SCAPER: variants seen among roughly 807,000 people sequenced by gnomAD.
The protein encoded by SCAPER is S phase cyclin A-associated protein in the endoplasmic reticulum.
A neutral mutation model predicts 182.2 loss-of-function variants in SCAPER; 98 were observed. The ratio of observed to expected loss-of-function variants is 0.54; its 90% CI spans 0.46 to 0.64. The LOEUF (loss-of-function observed/expected upper bound fraction) is 0.64. Ranked by LOEUF, SCAPER falls within the 30% of genes least tolerant of loss-of-function variation. The probability of loss-of-function intolerance (pLI) is 0.00; values close to 1 mark genes in which losing one functional copy is unlikely to be tolerated. For synonymous variants in SCAPER, 605 were observed against 564.6 expected (o/e 1.07, Z -1.01); for missense variants, 1,432 against 1,690.0 (o/e 0.85, Z 2.68).
At position 76,777,701 on chromosome 15, in the gene SCAPER, GTAAA is replaced by G. The variant is rs578047410; in HGVS notation, c.773-2588_773-2585del. 7.2e-5 allele frequency among the ~76,000 whole-genome samples: 11 copies of G among 151,974 alleles called. No individual in the cohort carries two copies. The South Asian group carries it at 1.9e-3, about 26-fold the overall frequency. ...AAGAGCAAAACTCCATCTCAAAAAA[GTAAA>G]TAAATAAATAAATATTCAAAGAAGG... On this transcript the variant is annotated intron_variant, in intron 8 of 31. Transcript: ENST00000563290.
At chr15:76,348,851 A>G (rs1275714593) in intron 31 of SCAPER, 115 bp from the exon 32 acceptor site, 1 of 620,904 alleles carries the variant, frequency 1.6e-6, no homozygotes, top group Non-Finnish European at 2.8e-6. Flanking sequence ...TCCACTTCAA[A>G]TAAACCATGA....
intron 4 of SCAPER, chr15:76,855,732 C>G (rs1378683600): frequency 4.0e-6 from 1 of 252,344 alleles, no homozygotes; most frequent in African/African-American, 2.2e-5. Flanking sequence ...CCACTTCACA[C>G]CAGTCGGAAT....
chr15:76,588,674 G>T (rs1487738549), intron 22 of SCAPER, among the ~76,000 whole-genome samples: 2 of 152,092 alleles, frequency 1.3e-5, no homozygotes, highest in African/African-American at 4.8e-5. Flanking sequence ...TCTTTAAATT[G>T]TATTTTTGTT....
chr15:76,709,424 G>A (rs1427959681), intron 17 of SCAPER, among the ~76,000 whole-genome samples: 2 of 152,116 alleles, frequency 1.3e-5, no homozygotes, highest in East Asian at 1.9e-4. Flanking sequence ...ATGAGCCACC[G>A]CACTCTGCCA....
At chr15:76,457,411 T>C (rs1430731964) in intron 25 of SCAPER, among the ~76,000 whole-genome samples, 2 of 152,246 alleles carry the variant, frequency 1.3e-5, no homozygotes, top group East Asian at 1.9e-4. Flanking sequence ...TCTACTGTTT[T>C]ATTATTTCTT....
At chr15:76,764,327 G>A (rs946651655) in intron 14 of SCAPER, among the ~76,000 whole-genome samples, 1 of 152,246 alleles carries the variant, frequency 6.6e-6, no homozygotes, top group African/African-American at 2.4e-5. Flanking sequence ...GGCAGTGGCT[G>A]CCAGCAGCAC....
intron 15 of SCAPER, among the ~76,000 whole-genome samples, chr15:76,749,991 G>A (rs1568008137): frequency 1.3e-5 from 2 of 151,634 alleles, no homozygotes; most frequent in African/African-American, 4.8e-5. Context: ...TATTATAAAG[G>A]TACAACAATC....
At chr15:76,580,256 C>T (rs2048169510) in intron 22 of SCAPER, among the ~76,000 whole-genome samples, 1 of 152,026 alleles carries the variant, frequency 6.6e-6, no homozygotes, top group African/African-American at 2.4e-5. Flanking sequence ...TTCTCATGGA[C>T]AGTCCAAGTG....
chr15:76,603,999 C>G (rs2050133932), intron 22 of SCAPER, among the ~76,000 whole-genome samples: 1 of 120,940 alleles, frequency 8.3e-6, no homozygotes, highest in African/African-American at 2.5e-5. Context: ...ATGGTAGTTT[C>G]TTTTGCTGTG....
At chr15:76,882,708 A>G (rs1302104557) in intron 2 of SCAPER, among the ~76,000 whole-genome samples, 1 of 152,194 alleles carries the variant, frequency 6.6e-6, no homozygotes. Flanking sequence ...TCTATAGCCC[A>G]GGTTGGAGTG....
intron 24 of SCAPER, chr15:76,472,275 G>C: frequency 1.6e-6 from 1 of 609,064 alleles, no homozygotes; most frequent in Admixed American, 1.9e-5. Context: ...GGAAAATGCT[G>C]ACACTGGCAG....
intron 8 of SCAPER, among the ~76,000 whole-genome samples, chr15:76,793,740 C>T (rs2065146180): frequency 6.6e-6 from 1 of 152,146 alleles, no homozygotes; most frequent in South Asian, 2.1e-4. Flanking sequence ...GTGAGCCACT[C>T]TAGCAAATTA....
At chr15:76,557,898 T>C (rs1271125725) in intron 23 of SCAPER, among the ~76,000 whole-genome samples, 2 of 152,058 alleles carry the variant, frequency 1.3e-5, no homozygotes, top group Non-Finnish European at 2.9e-5. Flanking sequence ...AAGCAATGGG[T>C]AAAGGATTCC....
intron 27 of SCAPER, among the ~76,000 whole-genome samples, chr15:76,390,619 A>C (rs2043624507): frequency 6.6e-6 from 1 of 152,190 alleles, no homozygotes; most frequent in African/African-American, 2.4e-5. Flanking sequence ...TTGGAACTGC[A>C]GGCTGGGGCT....
intron 24 of SCAPER, among the ~76,000 whole-genome samples, chr15:76,473,210 A>ACC (rs1272766299): frequency 1.3e-5 from 2 of 152,198 alleles, no homozygotes; most frequent in African/African-American, 4.8e-5. Context: ...TAAAATGAAG[A>ACC]CCTCACTGGG....
At chr15:76,515,325 A>G (rs1480978559) in intron 23 of SCAPER, among the ~76,000 whole-genome samples, 2 of 152,230 alleles carry the variant, frequency 1.3e-5, no homozygotes, top group Non-Finnish European at 2.9e-5. Flanking sequence ...GCAGACCACA[A>G]GACCTGAGTG....
intron 17 of SCAPER, among the ~76,000 whole-genome samples, chr15:76,722,940 C>A (rs2060350578): frequency 6.6e-6 from 1 of 152,058 alleles, no homozygotes; most frequent in Admixed American, 6.5e-5. Flanking sequence ...CAGTTCTGCT[C>A]TGATCTTAGT....
At position 76,475,638 on chromosome 15, in the gene SCAPER, G is replaced by T. The variant is rs184563661; in HGVS notation, c.2955-4303C>A. Among the ~76,000 whole-genome samples, 465 of 152,190 alleles carry T rather than the reference G, an allele frequency of 3.1e-3. 1 individual carries two copies. The highest frequency in any genetic ancestry group is 4.3e-3 in the Non-Finnish European group (289 of 67,988). On this transcript the variant is annotated intron_variant, in intron 24 of 31. Coordinates refer to ENST00000563290, the MANE Select transcript of SCAPER (RefSeq NM_020843.4). ...AGCTTTTAATTTTTAGGAAGAGCAG[G>T]GAAATTCTTTCTTCAAATAAAATCT...
chr15:76,560,026 C>T (rs890035238), intron 23 of SCAPER, among the ~76,000 whole-genome samples: 1 of 151,896 alleles, frequency 6.6e-6, no homozygotes, highest in Non-Finnish European at 1.5e-5. Flanking sequence ...AATTCCCACA[C>T]ATCAAATATT....
Sources: gnomAD v4.1 joint callset for allele counts (sites outside exome capture counted in the v4.1 genomes callset) on GRCh38, gnomAD v4.1.1 for gene constraint, MANE v1.5 for transcripts, NCBI Gene and HGNC (gene_info 2026-07-23, HGNC 2026-07-21) for gene names.